The following MECOM variants were observed in gnomAD, a reference collection of about 807,000 sequenced individuals.
The protein encoded by MECOM is MDS1 and EVI1 complex locus.
MECOM carries 13 observed loss-of-function variants against 116.3 expected under a neutral mutation model. The ratio of observed to expected loss-of-function variants is 0.11; its 90% confidence interval spans 0.07 to 0.18. The LOEUF (loss-of-function observed/expected upper bound fraction) is 0.18. MECOM is among the 10% of genes least tolerant of loss of function. MECOM has a pLI of 1.00. For missense variants in MECOM, 1,299 were observed against 1,509.0 expected, an observed-to-expected ratio of 0.86 and a Z score of 2.31; for synonymous variants, 528 against 535.2, an observed-to-expected ratio of 0.99 and a Z score of 0.19.
intron 1 of MECOM, among the ~76,000 whole-genome samples, chr3:169,424,250 G>T (rs996199056): frequency 1.3e-5 from 2 of 152,100 alleles, no homozygotes; most frequent in Non-Finnish European, 2.9e-5. Flanking sequence ...AGACTGCTGA[G>T]GTTTCGTCAA....
intron 2 of MECOM, among the ~76,000 whole-genome samples, chr3:169,355,624 G>A (rs1442445921): frequency 6.6e-6 from 1 of 151,910 alleles, no homozygotes; most frequent in African/African-American, 2.4e-5. Flanking sequence ...ATTATTATCA[G>A]TAAAAGCAAC....
chr3:169,614,690 G>A (rs1337424865), intron 1 of MECOM: 2 of 151,642 alleles, frequency 1.3e-5, no homozygotes, highest in Non-Finnish European at 2.9e-5. Context: ...TAAGCAGTGA[G>A]CTCTGCACAA....
intron 1 of MECOM, among the ~76,000 whole-genome samples, chr3:169,496,890 A>G (rs60517230): frequency 0.036 from 5,502 of 152,222 alleles, 338 homozygotes; most frequent in African/African-American, 0.13. Context: ...CTACAGAAAA[A>G]TTTTCTTTGG....
chr3:169,162,920 T>C (rs1743054322), intron 2 of MECOM, among the ~76,000 whole-genome samples: 1 of 152,184 alleles, frequency 6.6e-6, no homozygotes, highest in Non-Finnish European at 1.5e-5. Flanking sequence ...TATCCAGGCA[T>C]AACGTTTTGT....
At chr3:169,512,423 T>C (rs1047482483) in intron 1 of MECOM, among the ~76,000 whole-genome samples, 8 of 152,234 alleles carry the variant, frequency 5.3e-5, no homozygotes, top group African/African-American at 1.7e-4. Flanking sequence ...GAGAGGCATC[T>C]ATAGCACAAT....
intron 2 of MECOM, among the ~76,000 whole-genome samples, chr3:169,204,099 G>A (rs909842669): frequency 1.1e-4 from 17 of 152,134 alleles, no homozygotes; most frequent in African/African-American, 3.1e-4. Context: ...CCAAGGAACC[G>A]CTACTGGGAG....
chr3:169,417,958 G>C (rs1738976063), intron 1 of MECOM, among the ~76,000 whole-genome samples: 1 of 151,174 alleles, frequency 6.6e-6, no homozygotes, highest in Non-Finnish European at 1.5e-5. Context: ...GGACTGTTGT[G>C]GGGTTGGGGG....
At chr3:169,335,833 T>G (rs1431971285) in intron 2 of MECOM, among the ~76,000 whole-genome samples, 2 of 152,274 alleles carry the variant, frequency 1.3e-5, no homozygotes, top group East Asian at 3.9e-4. Context: ...ATTTAATATA[T>G]GTATATAATG....
chr3:169,190,739 A>C (rs1174631323), intron 2 of MECOM, among the ~76,000 whole-genome samples: 1 of 152,154 alleles, frequency 6.6e-6, no homozygotes, highest in East Asian at 1.9e-4. Flanking sequence ...CAACTTACAA[A>C]CAAAGGTAAA....
chr3:169,087,793 T>C (rs1038758981), intron 16 of MECOM, among the ~76,000 whole-genome samples: 3 of 152,110 alleles, frequency 2.0e-5, no homozygotes, highest in Non-Finnish European at 4.4e-5. Context: ...TTCATTTTTA[T>C]CCCCATTGAA....
intron 2 of MECOM, among the ~76,000 whole-genome samples, chr3:169,301,271 C>A (rs540813068): frequency 6.6e-6 from 1 of 152,294 alleles, no homozygotes; most frequent in East Asian, 1.9e-4. Flanking sequence ...ATTTTCCTCT[C>A]CTTCTTAAAG....
At chr3:169,514,642 T>C (rs1181256051) in intron 1 of MECOM, among the ~76,000 whole-genome samples, 1 of 152,202 alleles carries the variant, frequency 6.6e-6, no homozygotes, top group Non-Finnish European at 1.5e-5. Context: ...CTAGATTTGA[T>C]TGTAAAAATG....
intron 2 of MECOM, among the ~76,000 whole-genome samples, chr3:169,377,279 T>C (rs1200319666): frequency 6.6e-6 from 1 of 152,146 alleles, no homozygotes; most frequent in African/African-American, 2.4e-5. Flanking sequence ...AAAGACTTCA[T>C]GACTAAAGCA....
At chr3:169,210,541 T>C (rs1274841947) in intron 2 of MECOM, among the ~76,000 whole-genome samples, 1 of 152,100 alleles carries the variant, frequency 6.6e-6, no homozygotes, top group Non-Finnish European at 1.5e-5. Context: ...ATCAAGATCT[T>C]GCAAATGTGA....
intron 1 of MECOM, among the ~76,000 whole-genome samples, chr3:169,425,820 TA>T (rs1440653116): frequency 2.6e-5 from 4 of 152,170 alleles, no homozygotes; most frequent in African/African-American, 7.2e-5. Context: ...AGTGCAGCCA[TA>T]TGTTGAAGAA....
At chr3:169,519,377 T>C (rs916113495) in intron 1 of MECOM, among the ~76,000 whole-genome samples, 1 of 152,212 alleles carries the variant, frequency 6.6e-6, no homozygotes, top group Non-Finnish European at 1.5e-5. Context: ...ATCAAAGATA[T>C]ATGAACTTTG....
chr3:169,375,397 T>G (rs1426710441), intron 2 of MECOM, among the ~76,000 whole-genome samples: 1 of 52,730 alleles, frequency 1.9e-5, no homozygotes, highest in Non-Finnish European at 3.4e-5. Flanking sequence ...GAGCTGTTTT[T>G]TAAAAAAAAA....
chr3:169,318,159 A>G (rs1303252213), intron 2 of MECOM, among the ~76,000 whole-genome samples: 1 of 152,226 alleles, frequency 6.6e-6, no homozygotes, highest in African/African-American at 2.4e-5. Flanking sequence ...ACCTAAAACC[A>G]TAAAAACCCT....
chr3:169,653,183 C>T (rs1041608751), intron 1 of MECOM, among the ~76,000 whole-genome samples: 5 of 151,960 alleles, frequency 3.3e-5, no homozygotes, highest in Non-Finnish European at 7.4e-5. Context: ...ATTCTGGTGC[C>T]GACATTACTT....
Sources: allele counts gnomAD v4.1 joint callset (sites outside exome capture counted in the v4.1 genomes callset), GRCh38; gene constraint gnomAD v4.1.1; transcripts MANE v1.5; gene names NCBI Gene and HGNC (gene_info 2026-07-23, HGNC 2026-07-21).